LAX1: variants seen among roughly 807,000 people sequenced by gnomAD.
LAX1 encodes the protein lymphocyte transmembrane adapter 1.
In LAX1, 17 loss-of-function variants were observed where a neutral mutation model predicts 20.7. The observed-to-expected ratio is 0.82, with a 90% confidence interval of 0.56 to 1.23. The LOEUF (loss-of-function observed/expected upper bound fraction) is 1.23. Ranked by LOEUF, LAX1 falls within the 50% of genes most tolerant of loss-of-function variation. LAX1 has a pLI of 0.00. For missense variants in LAX1, 470 were observed against 487.0 expected (o/e 0.97, Z 0.33); for synonymous variants, 165 against 181.0 (o/e 0.91, Z 0.71).
rs748693821 is a variant in LAX1, at chr1:203,774,350, A to G, written c.866A>G (p.Gln289Arg). The change falls in exon 5 of 5, where the codon CAG (glutamine) becomes CGG (arginine). Residue 289 changes from glutamine (Q) to arginine (R), a missense_variant. Coordinates refer to ENST00000442561, the MANE Select transcript of LAX1 (RefSeq NM_017773.4). Reference sequence around the variant, plus strand: ...GAAAGGCAGCTCTGGGTGGCTTTTCAGTGCTGCAGAGACTATGAAAATGTT... The same window carrying G: ...GAAAGGCAGCTCTGGGTGGCTTTTCGGTGCTGCAGAGACTATGAAAATGTT... ...IQERQLWVAF[Q>R]CCRDYENVPA... is the part of the protein sequence containing the mutation. 6.2e-7 allele frequency: 1 copy of G among 1,614,224 alleles called. No homozygotes were observed. The highest frequency in any genetic ancestry group is 1.7e-5 in the Admixed American group (1 of 60,022).
In LAX1 at chr1:203,774,714, A is replaced by C; in HGVS notation, c.*33A>C. The C allele has an allele frequency of 6.3e-7, 1 of 1,580,152 alleles. No individual in the cohort carries two copies. Among genetic ancestry groups the C allele is most frequent in the Non-Finnish European group, 8.7e-7 (1 of 1,155,376 alleles). On this transcript the variant is annotated 3_prime_UTR_variant, in exon 5 of 5. Transcript: ENST00000442561. ...GGTACCCAGCCATAAAGCCACATTGAGTAGTCTATCCCATAGGATTGACTA... is the reference window on the plus strand; with the variant it reads ...GGTACCCAGCCATAAAGCCACATTGCGTAGTCTATCCCATAGGATTGACTA...
chr1:203,769,782 G>C (rs1262052701), intron 1 of LAX1: 2 of 151,394 alleles, frequency 1.3e-5, no homozygotes, highest in African/African-American at 4.9e-5. Context: ...GCGGGGGGGG[G>C]GGCGGCGGGG....
Position 203,774,907 on chromosome 1 carries a change from C to G in LAX1, c.*226C>G. On this transcript the variant is annotated 3_prime_UTR_variant, in exon 5 of 5. Transcript: ENST00000442561. The stretch of plus-strand genomic sequence containing the variant: ...AAGCAGAGTGTGGTTATCTCCTGTA[C>G]CAGCCTAAGAATGTTTGCTGAAACT... 1 of 562,874 alleles carries G rather than the reference C, an allele frequency of 1.8e-6. No homozygotes were observed. The highest frequency in any genetic ancestry group is 3.1e-6 in the Non-Finnish European group (1 of 318,520). The allele number at this position is 562,874 out of a possible 1,614,324, so 34.9% of individuals were successfully genotyped here. A position where few individuals can be genotyped will look rare whatever the true frequency, so the allele number is the denominator to read the frequency against.
At chr1:203,766,218 T>C (rs969698006) in intron 1 of LAX1, among the ~76,000 whole-genome samples, 1 of 152,216 alleles carries the variant, frequency 6.6e-6, no homozygotes. Flanking sequence ...GGCTCACACC[T>C]GTAACCCCAG....
intron 1 of LAX1, among the ~76,000 whole-genome samples, chr1:203,768,085 C>G (rs1026459970): frequency 3.9e-5 from 6 of 152,218 alleles, no homozygotes; most frequent in African/African-American, 1.2e-4. Flanking sequence ...CCAAGGTGGG[C>G]AGATCACCCA....
chr1:203,770,465 GGA>G (rs1558070704), intron 1 of LAX1, among the ~76,000 whole-genome samples: 1,082 of 16,762 alleles, frequency 0.065, 197 homozygotes, highest in South Asian at 0.083. Flanking sequence ...AAGGAAGGAA[GGA>G]AGGAAGGAAG....
chr1:203,768,097 A>T (rs1037086378), intron 1 of LAX1, among the ~76,000 whole-genome samples: 28 of 152,096 alleles, frequency 1.8e-4, no homozygotes, highest in African/African-American at 6.5e-4. Context: ...GATCACCCAA[A>T]GTCAGGAGTT....
Position 203,774,529 on chromosome 1 carries a change from C to G in LAX1, c.1045C>G (p.Gln349Glu), listed in dbSNP as rs758791382. 1 of 1,614,208 alleles carries G rather than the reference C, an allele frequency of 6.2e-7. No individual in the cohort carries two copies. Among genetic ancestry groups the G allele is most frequent in the South Asian group, 1.1e-5 (1 of 91,086 alleles). Residue 349 changes from glutamine (Q) to glutamate (E), a missense_variant, in exon 5 of 5, where the codon CAG becomes GAG. Gln to Glu is a conservative substitution (Grantham distance 29). Coordinates refer to ENST00000442561, the MANE Select transcript of LAX1 (RefSeq NM_017773.4). ...TGCTTCAGGGGATTATGCAGACTTT[C>G]AGCCATTCACACAGAGTGAGGACAG... ...FLASGDYADF[Q>E]PFTQSEDSQM... is the part of the protein sequence containing the mutation.
intron 4 of LAX1, among the ~76,000 whole-genome samples, chr1:203,773,361 G>A (rs1243371279): frequency 6.6e-6 from 1 of 152,084 alleles, no homozygotes; most frequent in Non-Finnish European, 1.5e-5. Flanking sequence ...GGTTGAGGCG[G>A]GAGAATCGAT....
intron 1 of LAX1, among the ~76,000 whole-genome samples, chr1:203,769,907 A>G (rs1277713721): frequency 6.6e-6 from 1 of 152,076 alleles, no homozygotes; most frequent in Non-Finnish European, 1.5e-5. Flanking sequence ...CGAGTAGGGA[A>G]CAAGAAGGGG....
At position 203,774,067 on chromosome 1, in the gene LAX1, A is replaced by C; in HGVS notation, c.583A>C (p.Asn195His). 6.2e-7 allele frequency: 1 copy of C among 1,614,138 alleles called. No homozygotes were observed. The change falls in exon 5 of 5, where the codon AAT becomes CAT. Residue 195 changes from asparagine to histidine, a missense_variant. Physicochemically the swap from Asn to His is moderately conservative, Grantham distance 68. Coordinates refer to ENST00000442561, the MANE Select transcript of LAX1 (RefSeq NM_017773.4). Reference sequence around the variant, plus strand: ...TTCAGAGGATTCGCATGATTATGTCAATGTCCCCACAGCAGAAGAGATTGC... The same window carrying C: ...TTCAGAGGATTCGCATGATTATGTCCATGTCCCCACAGCAGAAGAGATTGC... ...ISSEDSHDYV[N>H]VPTAEEIAET...
chr1:203,771,222 T>C, intron 2 of LAX1, 145 bp from the exon 3 acceptor site: 1 of 707,580 alleles, frequency 1.4e-6, no homozygotes, highest in Non-Finnish European at 2.5e-6. Context: ...AAATGAAAAT[T>C]CCTGTAGCTT....
intron 1 of LAX1, among the ~76,000 whole-genome samples, chr1:203,766,074 C>T (rs921479927): frequency 2.6e-5 from 4 of 152,130 alleles, no homozygotes; most frequent in African/African-American, 9.7e-5. Flanking sequence ...AAAGATACGT[C>T]CTTAGGACGT....
intron 1 of LAX1, among the ~76,000 whole-genome samples, chr1:203,766,597 T>A (rs1667307295): frequency 1.3e-5 from 2 of 152,346 alleles, no homozygotes; most frequent in South Asian, 4.1e-4. Flanking sequence ...CTGAAGCATC[T>A]CTCCAAAACT....
At chr1:203,769,059 G>A (rs1667350362) in intron 1 of LAX1, among the ~76,000 whole-genome samples, 1 of 152,028 alleles carries the variant, frequency 6.6e-6, no homozygotes. Flanking sequence ...TTTGGTTTGA[G>A]CTGTCTGTTA....
Position 203,769,776 on chromosome 1 carries a change from G to C in LAX1, c.90-1052G>C, listed in dbSNP as rs1470725088. The C allele has an allele frequency of 2.6e-5, 4 of 152,434 alleles. No homozygotes were observed. In the Admixed American group the frequency reaches 2.6e-4, roughly 10 times the overall value. 9.4% of individuals were successfully genotyped at this position (152,434 alleles called of 1,614,324 possible). A position where few individuals can be genotyped will look rare whatever the true frequency, so the allele number is the denominator to read the frequency against. ...AGACCAGCTCCACAAATTGGTGCGG[G>C]GGGGGGGGCGGCGGGGGGTGGGGGG... On this transcript the variant is annotated intron_variant, in intron 1 of 4. Coordinates refer to ENST00000442561, the MANE Select transcript of LAX1 (RefSeq NM_017773.4).
At position 203,765,353 on chromosome 1, in the gene LAX1, A is replaced by G. The variant is rs1191539206; in HGVS notation, c.-213A>G. On this transcript the variant is annotated 5_prime_UTR_variant, in exon 1 of 5. Transcript: ENST00000442561. ...AAGCACCATGTCCGGATGAGATCGC[A>G]CTTCCTGCAGTGGGCATTAGCCACG... The G allele has an allele frequency of 6.4e-7, 1 of 1,551,658 alleles. No individual in the cohort carries two copies. Among genetic ancestry groups the G allele is most frequent in the South Asian group, 1.2e-5 (1 of 84,060 alleles).
rs963407738 is a variant in LAX1 at position 203,775,701 on chromosome 1, C to T, written c.*1020C>T. The T allele has an allele frequency of 3.9e-5, 6 of 152,186 alleles. No individual in the cohort carries two copies. The highest frequency in any genetic ancestry group is 1.4e-4 in the African/African-American group (6 of 41,444). The allele number at this position is 152,186 out of a possible 1,614,324, so 9.4% of individuals were successfully genotyped here. On this transcript the variant is annotated 3_prime_UTR_variant, in exon 5 of 5. Transcript: ENST00000442561. ...ATCCTTCAACAGGTGATTGGATAAGCTGTTGATATCCATTCCTTGAGTTTA... is the reference window on the plus strand; with the variant it reads ...ATCCTTCAACAGGTGATTGGATAAGTTGTTGATATCCATTCCTTGAGTTTA...
At chr1:203,770,463 A>AG (rs58360126) in intron 1 of LAX1, among the ~76,000 whole-genome samples, 226 of 11,168 alleles carry the variant, frequency 0.02, 17 homozygotes, top group South Asian at 0.065. Flanking sequence ...GAAAGGAAGG[A>AG]AGGAAGGAAG....
Sources: gnomAD v4.1 joint callset for allele counts (sites outside exome capture counted in the v4.1 genomes callset) on GRCh38, gnomAD v4.1.1 for gene constraint, MANE v1.5 for transcripts, NCBI Gene and HGNC (gene_info 2026-07-23, HGNC 2026-07-21) for gene names.